NHS: variants seen among roughly 807,000 people sequenced by gnomAD.
NHS encodes actin remodeling regulator NHS.
NHS carries 5 observed loss-of-function variants against 72.5 expected under a neutral mutation model. The ratio of observed to expected loss-of-function variants is 0.07; its 90% CI spans 0.04 to 0.14. The LOEUF (loss-of-function observed/expected upper bound fraction) is 0.14. Ranked by LOEUF, NHS falls within the 10% of genes least tolerant of loss-of-function variation. NHS has a pLI of 1.00. For missense variants in NHS, 1,072 were observed against 1,355.7 expected (o/e 0.79, Z 3.29); for synonymous variants, 464 against 547.7 (o/e 0.85, Z 2.13).
intron 1 of NHS, among the ~76,000 whole-genome samples, chrX:17,406,429 A>G (rs1311976051): frequency 9.0e-6 from 1 of 111,576 alleles, no homozygotes; most frequent in African/African-American, 3.3e-5. Context: ...CGGGTCTGCA[A>G]GAAGCTACCA....
At chrX:17,507,106 A>T (rs146800099) in intron 1 of NHS, among the ~76,000 whole-genome samples, 57 of 112,775 alleles carry the variant, frequency 5.1e-4, no homozygotes, top group African/African-American at 1.8e-3. Context: ...CCCATTGGCC[A>T]GTCTTATTAG....
chrX:17,461,392 G>A (rs1449588438), intron 1 of NHS, among the ~76,000 whole-genome samples: 1 of 112,450 alleles, frequency 8.9e-6, no homozygotes, highest in African/African-American at 3.2e-5. Context: ...CAAACACAAA[G>A]TCCTTTTCTT....
chrX:17,725,605 G>A lies in NHS; in HGVS notation c.1499G>A (p.Ser500Asn), dbSNP rs2066436367. The part of the protein sequence containing the change: ...GDTMFTPAVS[S>N]RTRSRSLPRE... ...ACCATGTTTACTCCTGCAGTGAGCAGCCGCACAAGATCTCGGAGCCTTCCC... is the reference window on the plus strand; with the variant it reads ...ACCATGTTTACTCCTGCAGTGAGCAACCGCACAAGATCTCGGAGCCTTCCC... Residue 500 changes from serine to asparagine, a missense_variant, in exon 7 of 9, where the codon AGC becomes AAC. Coordinates refer to ENST00000676302, the MANE Select transcript of NHS (RefSeq NM_001291867.2). 2.5e-6 allele frequency: 3 copies of A among 1,209,758 alleles called. No homozygotes were observed. Among genetic ancestry groups the A allele is most frequent in the South Asian group, 1.8e-5 (1 of 56,750 alleles).
chrX:17,474,763 C>T (rs2064907730), intron 1 of NHS, among the ~76,000 whole-genome samples: 1 of 111,579 alleles, frequency 9.0e-6, no homozygotes, highest in African/African-American at 3.3e-5. Context: ...AAGCTGTGAG[C>T]CCTCAGAAGC....
chrX:17,624,342 C>T (rs1028059129), intron 1 of NHS, among the ~76,000 whole-genome samples: 4 of 112,170 alleles, frequency 3.6e-5, no homozygotes, highest in Non-Finnish European at 7.5e-5. Flanking sequence ...AACATACATA[C>T]AGAAAAGCAT....
At position 17,725,952 on chromosome X, in the gene NHS, C is replaced by T. The variant is rs1217142096; in HGVS notation, c.1846C>T (p.Leu616Phe). The part of the protein sequence containing the change: ...PIHCISTAGV[L>F]LSSHMDQKDD... ...CCACTGCATCTCCACGGCTGGCGTCCTCCTTAGCAGCCACATGGACCAGAA... is the reference window on the plus strand; with the variant it reads ...CCACTGCATCTCCACGGCTGGCGTCTTCCTTAGCAGCCACATGGACCAGAA... The change falls in exon 7 of 9, where the codon CTC (leucine) becomes TTC (phenylalanine). Residue 616 changes from leucine to phenylalanine, a missense_variant. Leu to Phe is a conservative substitution (Grantham distance 22). Coordinates refer to ENST00000676302, the MANE Select transcript of NHS (RefSeq NM_001291867.2). The T allele has an allele frequency of 5.8e-6, 7 of 1,211,764 alleles. No individual in the cohort carries two copies. Among genetic ancestry groups the T allele is most frequent in the Admixed American group, 4.3e-5 (2 of 46,048 alleles).
chrX:17,416,819 T>TGTGA (rs1445369548), intron 1 of NHS, among the ~76,000 whole-genome samples: 10 of 98,196 alleles, frequency 1.0e-4, no homozygotes, highest in South Asian at 9.3e-4. Flanking sequence ...TGTGTGTGTG[T>TGTGA]GAGAGAGAGA....
chrX:17,704,921 G>T (rs940796773), intron 3 of NHS, among the ~76,000 whole-genome samples: 2 of 112,044 alleles, frequency 1.8e-5, no homozygotes, highest in Admixed American at 9.4e-5. Context: ...ACCCCTGTTG[G>T]GTGACAGAAG....
intron 1 of NHS, among the ~76,000 whole-genome samples, chrX:17,529,979 G>C (rs1036340629): frequency 9.0e-6 from 1 of 110,838 alleles, no homozygotes; most frequent in Non-Finnish European, 1.9e-5. Flanking sequence ...GGATGTGCAG[G>C]CTGCTTCATG....
chrX:17,676,982 T>C (rs2147103741), intron 1 of NHS, among the ~76,000 whole-genome samples: 1 of 112,091 alleles, frequency 8.9e-6, no homozygotes, highest in South Asian at 3.8e-4. Flanking sequence ...TGTGGTCCAC[T>C]GACTGGCAAC....
At chrX:17,574,782 G>A (rs1022496534) in intron 1 of NHS, among the ~76,000 whole-genome samples, 3 of 111,232 alleles carry the variant, frequency 2.7e-5, no homozygotes, top group South Asian at 8.0e-4. Context: ...CTTCTGCATC[G>A]ATCTCGCTGG....
chrX:17,574,350 C>G (rs1480609981), intron 1 of NHS, among the ~76,000 whole-genome samples: 1 of 112,313 alleles, frequency 8.9e-6, no homozygotes, highest in Non-Finnish European at 1.9e-5. Flanking sequence ...GTTCGAGCTT[C>G]CCTGCCACTT....
intron 1 of NHS, among the ~76,000 whole-genome samples, chrX:17,604,613 G>C (rs1458535864): frequency 8.9e-6 from 1 of 112,260 alleles, no homozygotes; most frequent in Non-Finnish European, 1.9e-5. Flanking sequence ...AGGGTAACCA[G>C]GTATCTGAAT....
intron 1 of NHS, among the ~76,000 whole-genome samples, chrX:17,683,060 A>G (rs1040855662): frequency 1.8e-5 from 2 of 111,874 alleles, no homozygotes; most frequent in African/African-American, 6.5e-5. Context: ...CTTCCAATAC[A>G]TTACTATGAA....
rs765150491 is a variant in NHS at position 17,727,861 on chromosome X, G to A, written c.3755G>A (p.Arg1252His). Residue 1252 changes from arginine (R) to histidine (H), a missense_variant, in exon 7 of 9, where the codon CGT becomes CAT. By Grantham distance (29) the Arg-to-His change is conservative (BLOSUM62 0). Transcript: ENST00000676302. Reference sequence around the variant, plus strand: ...TCAAATGTCACAAAAGACCAAGTGCGTACAGAGACTGAGCCTATTCCAGAA... The same window carrying A: ...TCAAATGTCACAAAAGACCAAGTGCATACAGAGACTGAGCCTATTCCAGAA... The part of the protein sequence containing the change: ...LDSNVTKDQV[R>H]TETEPIPENT... The A allele has an allele frequency of 4.1e-6, 5 of 1,210,029 alleles. No individual in the cohort carries two copies. Among genetic ancestry groups the A allele is most frequent in the African/African-American group, 1.7e-5 (1 of 57,186 alleles).
intron 8 of NHS, among the ~76,000 whole-genome samples, chrX:17,731,068 C>T (rs1601861761): frequency 9.0e-6 from 1 of 111,052 alleles, no homozygotes; most frequent in African/African-American, 3.3e-5. Flanking sequence ...CCCACCCACA[C>T]CTCCATCCAC....
Position 17,613,854 on chromosome X carries a change from C to T in NHS, c.566-73888C>T, listed in dbSNP as rs139633490. 4.4e-3 allele frequency among the ~76,000 whole-genome samples: 495 copies of T among 111,914 alleles called. 1 individual carries two copies. Among genetic ancestry groups the T allele is most frequent in the Non-Finnish European group, 6.3e-3 (333 of 53,188 alleles). On this transcript the variant is annotated intron_variant, in intron 1 of 8. Coordinates refer to ENST00000676302, the MANE Select transcript of NHS (RefSeq NM_001291867.2). ...TAATGGTCAACAAGATCATTCTGAC[C>T]GGTGGTTCTATTGAGGATGACAAAA... is the stretch of plus-strand genomic sequence containing the variant.
intron 1 of NHS, among the ~76,000 whole-genome samples, chrX:17,573,400 C>A (rs1171255143): frequency 1.8e-5 from 2 of 109,775 alleles, no homozygotes; most frequent in African/African-American, 6.6e-5. Context: ...TTTCTGTAAT[C>A]TTGTCTTCTC....
chrX:17,593,090 T>G (rs1271275278), intron 1 of NHS, among the ~76,000 whole-genome samples: 1 of 112,018 alleles, frequency 8.9e-6, no homozygotes, highest in Non-Finnish European at 1.9e-5. Context: ...AGAGCATACT[T>G]ATTGAAACAT....
Sources: gnomAD v4.1 joint callset for allele counts (sites outside exome capture counted in the v4.1 genomes callset) on GRCh38, gnomAD v4.1.1 for gene constraint, MANE v1.5 for transcripts, NCBI Gene and HGNC (gene_info 2026-07-23, HGNC 2026-07-21) for gene names.